HOXA7: variants seen among roughly 807,000 people sequenced by gnomAD.
The protein encoded by HOXA7 is homeobox protein Hox-A7.
HOXA7 carries 16 observed loss-of-function variants against 16.8 expected under a neutral mutation model. That is an observed-to-expected ratio of 0.95 (90% CI 0.64 to 1.44). HOXA7 has a LOEUF of 1.44. Among genes scored for constraint, HOXA7 ranks in the 40% most tolerant of loss-of-function variants. The pLI is 0.00. For synonymous variants in HOXA7, 169 were observed against 144.3 expected, an observed-to-expected ratio of 1.17 and a Z score of -1.23; for missense variants, 379 against 328.6, an observed-to-expected ratio of 1.15 and a Z score of -1.19.
In HOXA7 at chr7:27,155,079, T is replaced by A; in HGVS notation, c.523A>T (p.Lys175Ter). Reference sequence around the variant, plus strand: ...ATGCGGCGGTTCTGGAACCAGATCTTAATCTGGCGCTCGGTGAGGCAGAGC... The same window carrying A: ...ATGCGGCGGTTCTGGAACCAGATCTAAATCTGGCGCTCGGTGAGGCAGAGC... ...HALCLTERQI[K>*]IWFQNRRMKW... is the part of the protein sequence containing the mutation. The change falls in exon 2 of 2, where the codon AAG (lysine) becomes TAG (stop). Residue 175 changes from lysine to a stop codon, truncating the protein, a stop_gained. Coordinates refer to ENST00000242159, the MANE Select transcript of HOXA7 (RefSeq NM_006896.4). LOFTEE classifies it high-confidence loss of function. 2 of 1,614,244 alleles carry A rather than the reference T, an allele frequency of 1.2e-6. No homozygotes were observed. The highest frequency in any genetic ancestry group is 8.5e-7 in the Non-Finnish European group (1 of 1,180,038).
In HOXA7 at chr7:27,156,661, G is replaced by C; in HGVS notation, c.-116C>G. On this transcript the variant is annotated 5_prime_UTR_variant, in exon 1 of 2. Transcript: ENST00000242159. ...CACCAAACCCCATTTTCTTTTGGACGGAGCTCGCCGCAGCACGTGACCGCC... is the reference window on the plus strand; with the variant it reads ...CACCAAACCCCATTTTCTTTTGGACCGAGCTCGCCGCAGCACGTGACCGCC... The C allele has an allele frequency of 8.5e-6, 10 of 1,178,020 alleles. No individual in the cohort carries two copies. The highest frequency in any genetic ancestry group is 1.2e-5 in the Non-Finnish European group (10 of 839,498). 73.0% of individuals were successfully genotyped at this position (1,178,020 alleles called of 1,614,324 possible).
chr7:27,155,005 A>G lies in HOXA7; in HGVS notation c.597T>C (p.Ala199=). ...CGGCAGAGGGCACGGCGCCCTCGGG[A>G]GCTGCGGCGGCAGTCGGACCTTCGT... ...HKDEGPTAAA[A]PEGAVPSAAA... is the part of the protein sequence containing the mutation. Residue 199 remains alanine (A), a synonymous_variant, in exon 2 of 2, where the codon GCT becomes GCC. Transcript: ENST00000242159. The G allele has an allele frequency of 6.2e-7, 1 of 1,613,952 alleles. No homozygotes were observed. Among genetic ancestry groups the G allele is most frequent in the Non-Finnish European group, 8.5e-7 (1 of 1,179,926 alleles).
chr7:27,155,122 G>A lies in HOXA7; in HGVS notation c.480C>T (p.Arg160=), dbSNP rs770492603. Residue 160 remains arginine, a synonymous_variant, in exon 2 of 2, where the codon CGC becomes CGT. Transcript: ENST00000242159. ...HFNRYLTRRR[R]IEIAHALCLT... ...GGCAGAGCGCGTGGGCGATTTCAAT[G>A]CGGCGGCGCCGCGTCAGGTAGCGGT... The A allele has an allele frequency of 2.4e-5, 38 of 1,614,164 alleles. No homozygotes were observed. Among genetic ancestry groups the A allele is most frequent in the Middle Eastern group, 3.3e-4 (2 of 6,084 alleles).
rs192273659 is a variant in HOXA7 at position 27,154,774 on chromosome 7, C to T, written c.*135G>A. The T allele has an allele frequency of 3.8e-6, 5 of 1,326,024 alleles. No homozygotes were observed. The Admixed American group carries it at 1.2e-4, about 31-fold the overall frequency. 82.1% of individuals were successfully genotyped at this position (1,326,024 alleles called of 1,614,324 possible). ...GGGTGGGTAGAGTGCAGGTTGGGGACTGGGTTGCTTTTTTGTTTTTGTTTT... is the reference window on the plus strand; with the variant it reads ...GGGTGGGTAGAGTGCAGGTTGGGGATTGGGTTGCTTTTTTGTTTTTGTTTT... On this transcript the variant is annotated 3_prime_UTR_variant, in exon 2 of 2. Coordinates refer to ENST00000242159, the MANE Select transcript of HOXA7 (RefSeq NM_006896.4).
rs371795704 is a variant in HOXA7, at chr7:27,154,995, C to A, written c.607G>T (p.Ala203Ser). ...GPTAAAAPEG[A>S]VPSAAATAAA... ...GCAGTGGCGGCGGCAGAGGGCACGG[C>A]GCCCTCGGGAGCTGCGGCGGCAGTC... Residue 203 changes from alanine (A) to serine (S), a missense_variant, in exon 2 of 2, where the codon GCC (alanine) becomes TCC (serine). Transcript: ENST00000242159. 35 of 1,613,740 alleles carry A rather than the reference C, an allele frequency of 2.2e-5. No individual in the cohort carries two copies. The highest frequency in any genetic ancestry group is 4.5e-5 in the East Asian group (2 of 44,870).
chr7:27,155,760 C>T (rs1783094887), intron 1 of HOXA7: 1 of 169,360 alleles, frequency 5.9e-6, no homozygotes, highest in Non-Finnish European at 1.2e-5. Flanking sequence ...GCTCTCCTAG[C>T]TTTTGAGAAA....
At position 27,156,431 on chromosome 7, in the gene HOXA7, C is replaced by T. The variant is rs765294385; in HGVS notation, c.115G>A (p.Gly39Ser). ...CSFAPNSQRS[G>S]YGAGAGAFAS... ...AAGGCGCCGGCGCCCGCCCCGTAGC[C>T]GCTTCTCTGTGAGTTGGGAGCAAAG... The change falls in exon 1 of 2, where the codon GGC becomes AGC. Residue 39 changes from glycine (G) to serine (S), a missense_variant. Gly to Ser is a moderately conservative substitution (Grantham distance 56, BLOSUM62 0). Coordinates refer to ENST00000242159, the MANE Select transcript of HOXA7 (RefSeq NM_006896.4). 1.2e-6 allele frequency: 2 copies of T among 1,613,902 alleles called. No homozygotes were observed. Among genetic ancestry groups the T allele is most frequent in the Non-Finnish European group, 1.7e-6 (2 of 1,179,822 alleles).
In HOXA7 at chr7:27,155,378, G is replaced by A. The variant is rs532073461; in HGVS notation, c.380-156C>T. ...CCCCGAACTGAGCTAGGGGAGGAGG[G>A]GGAGTGTTAGGGAAAGACCCCAACT... On this transcript the variant is annotated intron_variant, in intron 1 of 1. Coordinates refer to ENST00000242159, the MANE Select transcript of HOXA7 (RefSeq NM_006896.4). 23 of 680,598 alleles carry A rather than the reference G, an allele frequency of 3.4e-5. 1 individual carries two copies. Among genetic ancestry groups the A allele is most frequent in the East Asian group, 1.3e-4 (5 of 37,292 alleles). 42.2% of individuals were successfully genotyped at this position (680,598 alleles called of 1,614,324 possible). A position where few individuals can be genotyped will look rare whatever the true frequency, so the allele number is the denominator to read the frequency against.
At chr7:27,155,345 G>T in intron 1 of HOXA7, 123 bp from the exon 2 acceptor site, 1 of 888,512 alleles carries the variant, frequency 1.1e-6, no homozygotes, top group Non-Finnish European at 1.8e-6. Flanking sequence ...ATCCCCCTCT[G>T]CCCCAGGCCC....
chr7:27,154,344 A>G lies in HOXA7; in HGVS notation c.*565T>C, dbSNP rs117115548. 1.3e-3 allele frequency: 194 copies of G among 153,668 alleles called. 1 individual carries two copies. The East Asian group carries it at 0.014, about 11-fold the overall frequency. The allele number at this position is 153,668 out of a possible 1,614,324, so 9.5% of individuals were successfully genotyped here. A position where few individuals can be genotyped will look rare whatever the true frequency, so the allele number is the denominator to read the frequency against. On this transcript the variant is annotated 3_prime_UTR_variant, in exon 2 of 2. Transcript: ENST00000242159. ...GCACATTCTCAGGGCAGCCTCAGGG[A>G]CCCCAAAAGCTGCGGGCTGTAAGCA...
In HOXA7 at chr7:27,156,290, C is replaced by A. The variant is rs767355645; in HGVS notation, c.256G>T (p.Asp86Tyr). The change falls in exon 1 of 2, where the codon GAC becomes TAC. Residue 86 changes from aspartate (D) to tyrosine (Y), a missense_variant. By Grantham distance (160) the Asp-to-Tyr change is radical (BLOSUM62 -3). Transcript: ENST00000242159. ...AYGNLPCASY[D>Y]QNIPGLCSDL... Reference sequence around the variant, plus strand: ...CTGCAGAGCCCGGGGATGTTTTGGTCGTAGGAGGCGCAGGGCAGGTTGCCG... The same window carrying A: ...CTGCAGAGCCCGGGGATGTTTTGGTAGTAGGAGGCGCAGGGCAGGTTGCCG... 1 of 1,613,470 alleles carries A rather than the reference C, an allele frequency of 6.2e-7. No homozygotes were observed. Among genetic ancestry groups the A allele is most frequent in the African/African-American group, 1.3e-5 (1 of 74,948 alleles).
rs759316674 is a variant in HOXA7, at chr7:27,156,311, TGCCGTA to T, written c.229_234del (p.Tyr77_Gly78del). On this transcript the variant is annotated inframe_deletion, in exon 1 of 2. Coordinates refer to ENST00000242159, the MANE Select transcript of HOXA7 (RefSeq NM_006896.4). The stretch of plus-strand genomic sequence containing the variant: ...TGGTCGTAGGAGGCGCAGGGCAGGT[TGCCGTA>T]GGCGTCGGCGCCCAGGCCGTAGCCG... The T allele has an allele frequency of 6.2e-7, 1 of 1,613,938 alleles. No homozygotes were observed. The highest frequency in any genetic ancestry group is 1.3e-5 in the African/African-American group (1 of 75,082).
rs760210246 is a variant in HOXA7, at chr7:27,155,025, C to T, written c.577G>A (p.Gly193Ser). The T allele has an allele frequency of 6.2e-7, 1 of 1,614,212 alleles. No individual in the cohort carries two copies. The highest frequency in any genetic ancestry group is 1.7e-5 in the Admixed American group (1 of 60,034). ...MKWKKEHKDE[G>S]PTAAAAPEGA... Reference sequence around the variant, plus strand: ...TCGGGAGCTGCGGCGGCAGTCGGACCTTCGTCCTTATGCTCTTTCTTCCAC... The same window carrying T: ...TCGGGAGCTGCGGCGGCAGTCGGACTTTCGTCCTTATGCTCTTTCTTCCAC... The change falls in exon 2 of 2, where the codon GGT (glycine) becomes AGT (serine). Residue 193 changes from glycine to serine, a missense_variant. By Grantham distance (56) the Gly-to-Ser change is moderately conservative (BLOSUM62 0). Transcript: ENST00000242159.
Position 27,156,403 on chromosome 7 carries a change from G to A in HOXA7, c.143C>T (p.Ala48Val), listed in dbSNP as rs756474411. The change falls in exon 1 of 2, where the codon GCC (alanine) becomes GTC (valine). Residue 48 changes from alanine to valine, a missense_variant. Transcript: ENST00000242159. ...ATTGTATAAGCCCGGAACGGTCGAG[G>A]CGAAGGCGCCGGCGCCCGCCCCGTA... ...SGYGAGAGAF[A>V]STVPGLYNVN... is the part of the protein sequence containing the mutation. 6.8e-6 allele frequency: 11 copies of A among 1,613,800 alleles called. No homozygotes were observed. The highest frequency in any genetic ancestry group is 1.7e-5 in the Admixed American group (1 of 60,012).
Position 27,155,196 on chromosome 7 carries a change from T to G in HOXA7, c.406A>C (p.Thr136Pro), listed in dbSNP as rs1276150189. 1.2e-6 allele frequency: 2 copies of G among 1,614,078 alleles called. No homozygotes were observed. Among genetic ancestry groups the G allele is most frequent in the South Asian group, 2.2e-5 (2 of 91,088 alleles). ...TCCAGCGTCTGGTAGCGCGTGTAGG[T>G]CTGGCGGCCCCGCTTCCTGTCAGGT... ...SGPDRKRGRQ[T>P]YTRYQTLELE... Residue 136 changes from threonine to proline, a missense_variant, in exon 2 of 2, where the codon ACC becomes CCC. By Grantham distance (38) the Thr-to-Pro change is conservative. Coordinates refer to ENST00000242159, the MANE Select transcript of HOXA7 (RefSeq NM_006896.4).
In HOXA7 at chr7:27,154,809, C is replaced by T; in HGVS notation, c.*100G>A. The T allele has an allele frequency of 6.9e-7, 1 of 1,449,764 alleles. No homozygotes were observed. Among genetic ancestry groups the T allele is most frequent in the Non-Finnish European group, 9.1e-7 (1 of 1,100,638 alleles). The allele number at this position is 1,449,764 out of a possible 1,614,324, so 89.8% of individuals were successfully genotyped here. A position where few individuals can be genotyped will look rare whatever the true frequency, so the allele number is the denominator to read the frequency against. On this transcript the variant is annotated 3_prime_UTR_variant, in exon 2 of 2. Coordinates refer to ENST00000242159, the MANE Select transcript of HOXA7 (RefSeq NM_006896.4). Reference sequence around the variant, plus strand: ...TTTTTGTTTTTGTTTTTGTTTTTTACATTTTCTTTTATTTTTCCCATTTTT... The same window carrying T: ...TTTTTGTTTTTGTTTTTGTTTTTTATATTTTCTTTTATTTTTCCCATTTTT...
chr7:27,155,237 G>A lies in HOXA7; in HGVS notation c.380-15C>T, dbSNP rs1288859595. The A allele has an allele frequency of 6.2e-7, 1 of 1,612,028 alleles. No homozygotes were observed. Among genetic ancestry groups the A allele is most frequent in the Non-Finnish European group, 8.5e-7 (1 of 1,178,204 alleles). On this transcript the variant is annotated splice_polypyrimidine_tract_variant and intron_variant, in intron 1 of 1. Coordinates refer to ENST00000242159, the MANE Select transcript of HOXA7 (RefSeq NM_006896.4). Reference sequence around the variant, plus strand: ...CCTGTCAGGTCCTGAGAACAGACATGCAGACACATGAACACAAGGACAGAC... The same window carrying A: ...CCTGTCAGGTCCTGAGAACAGACATACAGACACATGAACACAAGGACAGAC...
At position 27,155,176 on chromosome 7, in the gene HOXA7, C is replaced by A. The variant is rs758266119; in HGVS notation, c.426G>T (p.Thr142=). 5 of 1,614,258 alleles carry A rather than the reference C, an allele frequency of 3.1e-6. No individual in the cohort carries two copies. The highest frequency in any genetic ancestry group is 4.2e-6 in the Non-Finnish European group (5 of 1,180,050). The change falls in exon 2 of 2, where the codon ACG becomes ACT. Residue 142 remains threonine (T), a synonymous_variant. Coordinates refer to ENST00000242159, the MANE Select transcript of HOXA7 (RefSeq NM_006896.4). ...RGRQTYTRYQ[T]LELEKEFHFN... ...AGTGGAACTCCTTCTCCAGCTCCAG[C>A]GTCTGGTAGCGCGTGTAGGTCTGGC...
At chr7:27,156,121 C>T in intron 1 of HOXA7, 46 bp downstream of exon 1, 1 of 1,427,622 alleles carries the variant, frequency 7.0e-7, no homozygotes, top group South Asian at 1.5e-5. Context: ...GCTCCCCGCT[C>T]CCGGTCCCGC....
Sources: gnomAD v4.1 joint callset for allele counts on GRCh38, gnomAD v4.1.1 for gene constraint, MANE v1.5 for transcripts, NCBI Gene and HGNC (gene_info 2026-07-23, HGNC 2026-07-21) for gene names.